The following OPCML variants were observed in gnomAD, a reference collection of about 807,000 sequenced individuals.
The protein encoded by OPCML is opioid binding protein/cell adhesion molecule like.
In OPCML, 13 loss-of-function variants were observed where a neutral mutation model predicts 37.8. The observed-to-expected ratio is 0.34, with a 90% CI of 0.22 to 0.55. The LOEUF (loss-of-function observed/expected upper bound fraction) is 0.55. OPCML is among the 20% of genes least tolerant of loss of function. The pLI is 0.91. For missense variants in OPCML, 341 were observed against 435.6 expected (o/e 0.78, Z 1.93); for synonymous variants, 176 against 168.8 (o/e 1.04, Z -0.33).
chr11:132,525,071 C>T lies in OPCML; in HGVS notation c.505+3990G>A, dbSNP rs543050530. Among the ~76,000 whole-genome samples, 151 of 152,288 alleles carry T rather than the reference C, an allele frequency of 9.9e-4. 3 individuals carry two copies. The South Asian group carries it at 0.03, about 31-fold the overall frequency. On this transcript the variant is annotated intron_variant, in intron 4 of 7. Transcript: ENST00000524381. ...AGCACTACCTGAAACCTTCACTCTT[C>T]AACCATTATCATCTCAGGTAGAGAT... is the stretch of plus-strand genomic sequence containing the variant.
chr11:133,441,315 C>T (rs1405448471), intron 1 of OPCML, among the ~76,000 whole-genome samples: 2 of 151,588 alleles, frequency 1.3e-5, no homozygotes, highest in African/African-American at 2.4e-5. Flanking sequence ...GAAAAAAAAG[C>T]CTATTGTAAT....
chr11:132,550,390 G>A (rs1434952376), intron 3 of OPCML, among the ~76,000 whole-genome samples: 2 of 152,084 alleles, frequency 1.3e-5, no homozygotes, highest in East Asian at 1.9e-4. Flanking sequence ...GAGTTCTCAC[G>A]AGATCTGGTT....
chr11:132,903,071 C>T (rs1259497534), intron 2 of OPCML, among the ~76,000 whole-genome samples: 1 of 152,216 alleles, frequency 6.6e-6, no homozygotes, highest in Non-Finnish European at 1.5e-5. Flanking sequence ...CTACATCCCC[C>T]ATTTACCTCT....
chr11:132,750,255 A>G (rs1174952875), intron 2 of OPCML, among the ~76,000 whole-genome samples: 5 of 152,236 alleles, frequency 3.3e-5, no homozygotes, highest in Admixed American at 1.3e-4. Context: ...AAATTTATAT[A>G]TTGAAAACTT....
intron 2 of OPCML, among the ~76,000 whole-genome samples, chr11:132,794,535 G>A (rs1273634643): frequency 6.6e-6 from 1 of 152,074 alleles, no homozygotes; most frequent in African/African-American, 2.4e-5. Flanking sequence ...ATGGGACCAG[G>A]CGAGCTTTCC....
chr11:132,791,109 G>A (rs2136178691), intron 2 of OPCML, among the ~76,000 whole-genome samples: 1 of 152,326 alleles, frequency 6.6e-6, no homozygotes, highest in Middle Eastern at 3.4e-3. Flanking sequence ...AGGACCATGG[G>A]AGCCTGTGTG....
chr11:132,430,272 G>C (rs996606711), intron 7 of OPCML, among the ~76,000 whole-genome samples: 1 of 152,054 alleles, frequency 6.6e-6, no homozygotes, highest in African/African-American at 2.4e-5. Context: ...TACAGACATG[G>C]AACGAGAAGA....
At chr11:133,140,832 C>CGAA (rs1360496764) in intron 1 of OPCML, among the ~76,000 whole-genome samples, 949 of 86,562 alleles carry the variant, frequency 0.011, 215 homozygotes, top group African/African-American at 0.05. Context: ...AAGACGACGA[C>CGAA]GAAGAAGACG....
At chr11:133,213,893 C>G (rs553866851) in intron 1 of OPCML, among the ~76,000 whole-genome samples, 1 of 152,034 alleles carries the variant, frequency 6.6e-6, no homozygotes, top group Non-Finnish European at 1.5e-5. Context: ...AAAACAGTAG[C>G]GTGTCACTAT....
rs572060571 is a variant in OPCML at position 133,403,128 on chromosome 11, A to G, written c.61+129136T>C. Among the ~76,000 whole-genome samples the G allele has an allele frequency of 5.9e-5, 9 of 152,314 alleles. No individual in the cohort carries two copies. The South Asian group carries it at 1.9e-3, about 32-fold the overall frequency. Reference sequence around the variant, plus strand: ...TCTGGAATTAGATTACTTAAGTACAAATCTGGGTCTCTACCACTTACTGTG... The same window carrying G: ...TCTGGAATTAGATTACTTAAGTACAGATCTGGGTCTCTACCACTTACTGTG... On this transcript the variant is annotated intron_variant, in intron 1 of 7. Coordinates refer to ENST00000524381, the MANE Select transcript of OPCML (RefSeq NM_001012393.5).
intron 2 of OPCML, among the ~76,000 whole-genome samples, chr11:132,761,617 A>G (rs1254430936): frequency 6.6e-6 from 1 of 151,956 alleles, no homozygotes. Flanking sequence ...ATACTTGTGT[A>G]TGCTTCACGA....
In OPCML at chr11:133,173,552, C is replaced by A. The variant is rs942475525; in HGVS notation, c.62-230542G>T. ...AATTGTTGCAGTGGTAAATTGTTTC[C>A]CCAAAGGAGGAAGCCACCAGCATTC... On this transcript the variant is annotated intron_variant, in intron 1 of 7. Coordinates refer to ENST00000524381, the MANE Select transcript of OPCML (RefSeq NM_001012393.5). This position sits in a 1 kb window ranked among gnomAD's most constrained non-coding sequence, Gnocchi z 7.8. 2.0e-5 allele frequency among the ~76,000 whole-genome samples: 3 copies of A among 152,112 alleles called. No homozygotes were observed. Among genetic ancestry groups the A allele is most frequent in the South Asian group, 4.1e-4 (2 of 4,822 alleles).
At chr11:132,605,728 A>G (rs1938248171) in intron 3 of OPCML, among the ~76,000 whole-genome samples, 1 of 152,224 alleles carries the variant, frequency 6.6e-6, no homozygotes, top group Non-Finnish European at 1.5e-5. Flanking sequence ...CATCAATGCC[A>G]TAAAGAATGT....
intron 2 of OPCML, among the ~76,000 whole-genome samples, chr11:132,670,223 T>G (rs1337318945): frequency 6.6e-6 from 1 of 151,948 alleles, no homozygotes; most frequent in Non-Finnish European, 1.5e-5. Context: ...AAGCAGAGAG[T>G]CTGGGGAGCT....
chr11:132,959,153 A>G (rs544891918), intron 1 of OPCML, among the ~76,000 whole-genome samples: 1 of 152,360 alleles, frequency 6.6e-6, no homozygotes, highest in Admixed American at 6.5e-5. Flanking sequence ...ACAGGAGCTT[A>G]GAAGACGTTG....
chr11:132,869,398 A>G (rs988508111), intron 2 of OPCML, among the ~76,000 whole-genome samples: 4 of 152,224 alleles, frequency 2.6e-5, no homozygotes, highest in Admixed American at 1.3e-4. Flanking sequence ...CATAGCTTAT[A>G]TAACAGAGCA....
intron 2 of OPCML, among the ~76,000 whole-genome samples, chr11:132,678,401 C>T (rs1476844779): frequency 6.6e-6 from 1 of 152,150 alleles, no homozygotes; most frequent in Non-Finnish European, 1.5e-5. Context: ...TACTATTTTT[C>T]TAAAGGAGTT....
chr11:133,002,321 T>C (rs1418447401), intron 1 of OPCML, among the ~76,000 whole-genome samples: 1 of 152,194 alleles, frequency 6.6e-6, no homozygotes, highest in Non-Finnish European at 1.5e-5. Flanking sequence ...AAGACTAGAC[T>C]TTCATTCCAG....
chr11:132,570,515 C>T (rs747198767), intron 3 of OPCML, among the ~76,000 whole-genome samples: 1 of 151,466 alleles, frequency 6.6e-6, no homozygotes, highest in Non-Finnish European at 1.5e-5. Context: ...TACATGCAGA[C>T]TAAAATACTT....
Sources: gnomAD v4.1 joint callset for allele counts (sites outside exome capture counted in the v4.1 genomes callset) on GRCh38, gnomAD v4.1.1 for gene constraint, Gnocchi (gnomAD v3.1) non-coding constraint, MANE v1.5 for transcripts, NCBI Gene and HGNC (gene_info 2026-07-23, HGNC 2026-07-21) for gene names.